EFTUD2: variants seen among roughly 807,000 people sequenced by gnomAD.
EFTUD2 encodes 116 kDa U5 small nuclear ribonucleoprotein component.
EFTUD2 carries 9 observed loss-of-function variants against 114.3 expected under a neutral mutation model. That is an observed-to-expected ratio of 0.08 (90% CI 0.05 to 0.14). The LOEUF (loss-of-function observed/expected upper bound fraction) is 0.14, where lower values mean the gene tolerates loss of function less well. Ranked by LOEUF, EFTUD2 falls within the 10% of genes least tolerant of loss-of-function variation. The pLI is 1.00. For missense variants in EFTUD2, 765 were observed against 1,241.2 expected (o/e 0.62, Z 5.76); for synonymous variants, 449 against 462.3 (o/e 0.97, Z 0.37).
At chr17:44,869,938 G>A (rs2145494381) in intron 11 of EFTUD2, among the ~76,000 whole-genome samples, 1 of 152,294 alleles carries the variant, frequency 6.6e-6, no homozygotes, top group Admixed American at 6.5e-5. Flanking sequence ...ATGCCTTATT[G>A]TATTATATTC....
Position 44,876,099 on chromosome 17 carries a change from A to T in EFTUD2, c.704T>A (p.Val235Glu). The T allele has an allele frequency of 6.2e-7, 1 of 1,610,078 alleles. No individual in the cohort carries two copies. Among genetic ancestry groups the T allele is most frequent in the Non-Finnish European group, 8.5e-7 (1 of 1,177,138 alleles). The change falls in exon 10 of 28, where the codon GTG becomes GAG. Residue 235 changes from valine (V) to glutamate (E), a missense_variant and splice_region_variant. Around this residue, in one of 6 missense-constraint regions of EFTUD2, gnomAD observed 251 missense variants for 357.7 expected, o/e 0.70. Coordinates refer to ENST00000426333, the MANE Select transcript of EFTUD2 (RefSeq NM_004247.4). ...VVLFIDAAEG[V>E]MLNTERLIKH... The stretch of plus-strand genomic sequence containing the variant: ...GATCAGCCGCTCTGTGTTCAGCATC[A>T]CCTGAGAAAAACAAGGCTCAGAAGG...
At position 44,872,662 on chromosome 17, in the gene EFTUD2, C is replaced by T. The variant is rs553854566; in HGVS notation, c.870-92G>A. ...GGGCAGGAACTCGGTATCACAGCCA[C>T]TCTCCAGCCCTCGGAAGGGACTTGT... is the stretch of plus-strand genomic sequence containing the variant. On this transcript the variant is annotated intron_variant, in intron 10 of 27. Coordinates refer to ENST00000426333, the MANE Select transcript of EFTUD2 (RefSeq NM_004247.4). 50 of 1,443,120 alleles carry T rather than the reference C, an allele frequency of 3.5e-5. No individual in the cohort carries two copies. The South Asian group carries it at 5.7e-4, about 17-fold the overall frequency. The allele number at this position is 1,443,120 out of a possible 1,614,324, so 89.4% of individuals were successfully genotyped here.
At chr17:44,863,803 G>A (rs771620971) in intron 14 of EFTUD2, 21 bp from the exon 15 acceptor site, 1 of 1,612,848 alleles carries the variant, frequency 6.2e-7, no homozygotes, top group Non-Finnish European at 8.5e-7. Flanking sequence ...AGAAGAGAAA[G>A]CCATTAATAC....
At chr17:44,892,190 C>T (rs1005203747) in intron 2 of EFTUD2, 4 of 152,192 alleles carry the variant, frequency 2.6e-5, no homozygotes, top group African/African-American at 9.7e-5. Flanking sequence ...TTACCCAAGT[C>T]ACTAATAGGC....
At chr17:44,867,664 TG>T in intron 13 of EFTUD2, 142 bp downstream of exon 13, 1 of 582,978 alleles carries the variant, frequency 1.7e-6, no homozygotes, top group Non-Finnish European at 2.6e-6. Flanking sequence ...AGATTACTTC[TG>T]GAACAATTAG....
intron 19 of EFTUD2, among the ~76,000 whole-genome samples, chr17:44,858,854 C>G (rs1255885327): frequency 6.6e-6 from 1 of 152,128 alleles, no homozygotes; most frequent in Non-Finnish European, 1.5e-5. Flanking sequence ...TCCCAAAGTG[C>G]TGGGAGTGAG....
intron 11 of EFTUD2, among the ~76,000 whole-genome samples, 199 bp downstream of exon 11, chr17:44,872,247 T>G (rs942805703): frequency 1.6e-4 from 25 of 152,232 alleles, no homozygotes; most frequent in African/African-American, 6.0e-4. Context: ...TATTCACTTT[T>G]ATTTTTCTAT....
At chr17:44,878,429 T>C (rs977914523) in intron 9 of EFTUD2, among the ~76,000 whole-genome samples, 1 of 152,194 alleles carries the variant, frequency 6.6e-6, no homozygotes, top group Non-Finnish European at 1.5e-5. Flanking sequence ...TTGAAAATCA[T>C]GAAAACTAAA....
chr17:44,886,632 G>A lies in EFTUD2; in HGVS notation c.224C>T (p.Pro75Leu), dbSNP rs1186358911. The stretch of plus-strand genomic sequence containing the variant: ...CTCTTGAACTATGGTCTCCACCTCA[G>A]GACCATACACCTCCTCGGCTGTTGG... ...YYPTAEEVYG[P>L]EVETIVQEED... is the part of the protein sequence containing the mutation. Residue 75 changes from proline (P) to leucine (L), a missense_variant, in exon 3 of 28, where the codon CCT becomes CTT. Physicochemically the swap from Pro to Leu is moderately conservative, Grantham distance 98. Coordinates refer to ENST00000426333, the MANE Select transcript of EFTUD2 (RefSeq NM_004247.4). 3 of 1,614,004 alleles carry A rather than the reference G, an allele frequency of 1.9e-6. No homozygotes were observed. In the African/African-American group the frequency reaches 4.0e-5, roughly 22 times the overall value.
chr17:44,863,634 C>G (rs769643911), intron 15 of EFTUD2, 21 bp downstream of exon 15: 1 of 1,606,354 alleles, frequency 6.2e-7, no homozygotes, highest in Non-Finnish European at 8.5e-7. Context: ...ACCAGAGAAC[C>G]GGGGAGCCAC....
At chr17:44,856,337 T>C (rs2145444542) in intron 20 of EFTUD2, among the ~76,000 whole-genome samples, 1 of 151,546 alleles carries the variant, frequency 6.6e-6, no homozygotes, top group East Asian at 1.9e-4. Context: ...GAGACCAGCC[T>C]GGGCAACATG....
At chr17:44,871,580 C>A (rs1365904644) in intron 11 of EFTUD2, among the ~76,000 whole-genome samples, 1 of 152,098 alleles carries the variant, frequency 6.6e-6, no homozygotes, top group Non-Finnish European at 1.5e-5. Context: ...ACCTCGTGAT[C>A]TGCCTGCCTC....
chr17:44,868,173 T>TAAAAAA, intron 12 of EFTUD2, 114 bp downstream of exon 12: 3 of 813,458 alleles, frequency 3.7e-6, no homozygotes, highest in South Asian at 2.4e-5. Context: ...TAGTTTACAT[T>TAAAAAA]AAAAAAAAAA....
chr17:44,876,746 G>C (rs899712791), intron 9 of EFTUD2, among the ~76,000 whole-genome samples: 1 of 151,452 alleles, frequency 6.6e-6, no homozygotes, highest in Non-Finnish European at 1.5e-5. Flanking sequence ...CCAGCTACTT[G>C]GGAGGCTGAG....
intron 2 of EFTUD2, chr17:44,891,844 T>C (rs2051285328): frequency 6.6e-6 from 1 of 152,092 alleles, no homozygotes; most frequent in East Asian, 1.9e-4. Context: ...CAATTCCACC[T>C]GCCCTCACTC....
intron 2 of EFTUD2, among the ~76,000 whole-genome samples, chr17:44,890,337 C>T (rs1429471518): frequency 2.0e-5 from 3 of 151,402 alleles, no homozygotes; most frequent in South Asian, 2.1e-4. Context: ...GGACATCTTT[C>T]TTTCCTGTCC....
At chr17:44,874,031 GC>G (rs2050903553) in intron 10 of EFTUD2, among the ~76,000 whole-genome samples, 1 of 143,210 alleles carries the variant, frequency 7.0e-6, no homozygotes, top group African/African-American at 2.6e-5. Flanking sequence ...ACCGTGCCCG[GC>G]CTCTTTTTTT....
chr17:44,868,531 GTCCAAAGTTGACAA>G, intron 11 of EFTUD2, 181 bp from the exon 12 acceptor site: 1 of 574,874 alleles, frequency 1.7e-6, no homozygotes, highest in Non-Finnish European at 3.1e-6. Flanking sequence ...GACAAGACTG[GTCCAAAGTTGACAA>G]GGCTGTGCTG....
At chr17:44,892,529 G>A (rs1355401068) in intron 2 of EFTUD2, among the ~76,000 whole-genome samples, 1 of 151,268 alleles carries the variant, frequency 6.6e-6, no homozygotes, top group Admixed American at 6.6e-5. Flanking sequence ...GGGAAGAAGA[G>A]TGAATGGAAT....
Sources: allele counts gnomAD v4.1 joint callset (sites outside exome capture counted in the v4.1 genomes callset), GRCh38; gene constraint gnomAD v4.1.1; regional missense constraint gnomAD v4.1.1; transcripts MANE v1.5; gene names NCBI Gene and HGNC (gene_info 2026-07-23, HGNC 2026-07-21).